The following OPRM1 variants were observed in gnomAD, a reference collection of about 807,000 sequenced individuals.
The protein encoded by OPRM1 is mu-type opioid receptor.
In OPRM1, 27 loss-of-function variants were observed where a neutral mutation model predicts 31.8. That is an observed-to-expected ratio of 0.85 (90% CI 0.63 to 1.17). The LOEUF is 1.17. OPRM1 is among the 50% of genes most tolerant of loss of function. The pLI, the probability that OPRM1 is intolerant of heterozygous loss-of-function variation, is 0.00. For synonymous variants in OPRM1, 196 were observed against 189.9 expected (o/e 1.03, Z -0.26); for missense variants, 536 against 511.1 (o/e 1.05, Z -0.47).
intron 1 of OPRM1, chr6:154,011,167 C>T: frequency 2.9e-6 from 2 of 690,988 alleles, no homozygotes; most frequent in Non-Finnish European, 4.2e-6. Context: ...TAAGGAATAC[C>T]AAGCACAAAA....
intron 1 of OPRM1, among the ~76,000 whole-genome samples, chr6:154,079,360 G>A (rs896108309): frequency 2.6e-5 from 4 of 152,210 alleles, no homozygotes; most frequent in Non-Finnish European, 4.4e-5. Context: ...GGGAAATTTT[G>A]TGCCAGCCAG....
chr6:154,230,147 A>G (rs1267166693), intron 3 of OPRM1, among the ~76,000 whole-genome samples: 4 of 152,220 alleles, frequency 2.6e-5, no homozygotes, highest in Non-Finnish European at 4.4e-5. Flanking sequence ...TGGTTGCATC[A>G]CTTGGTAAAT....
chr6:154,171,161 C>T (rs1483013723), intron 3 of OPRM1, among the ~76,000 whole-genome samples: 2 of 152,168 alleles, frequency 1.3e-5, no homozygotes, highest in Non-Finnish European at 2.9e-5. Flanking sequence ...AAAAATTGTA[C>T]ATGAATGTTC....
chr6:154,234,413 A>G (rs1779955928), intron 3 of OPRM1, among the ~76,000 whole-genome samples: 2 of 152,060 alleles, frequency 1.3e-5, no homozygotes, highest in Non-Finnish European at 2.9e-5. Flanking sequence ...CTCCTGGATC[A>G]CTTCTCAAGT....
chr6:154,162,207 T>C (rs1799084147), intron 3 of OPRM1, among the ~76,000 whole-genome samples: 1 of 152,232 alleles, frequency 6.6e-6, no homozygotes, highest in Non-Finnish European at 1.5e-5. Context: ...CCAGCAATTC[T>C]GTTCTCTCCT....
At chr6:154,181,220 A>T (rs1217759531) in intron 3 of OPRM1, among the ~76,000 whole-genome samples, 1 of 152,174 alleles carries the variant, frequency 6.6e-6, no homozygotes, top group African/African-American at 2.4e-5. Flanking sequence ...AGTAGTGAGG[A>T]CACTACTGAC....
rs892377560 is a variant in OPRM1 at position 154,128,916 on chromosome 6, A to C, written c.*10195A>C. Among the ~76,000 whole-genome samples, 6 of 149,218 alleles carry C rather than the reference A, an allele frequency of 4.0e-5. No homozygotes were observed. Among genetic ancestry groups the C allele is most frequent in the Non-Finnish European group, 8.9e-5 (6 of 67,604 alleles). ...AATTAATGTTAAATTGGATCTATAA[A>C]CATAAGTCAATTTGGCTCTATTATG... On this transcript the variant is annotated 3_prime_UTR_variant, in exon 4 of 4. Transcript: ENST00000330432.
At chr6:154,195,883 G>C (rs1003995586) in intron 3 of OPRM1, among the ~76,000 whole-genome samples, 1 of 149,596 alleles carries the variant, frequency 6.7e-6, no homozygotes, top group Non-Finnish European at 1.5e-5. Context: ...CCTCTGCCTC[G>C]CAGGTTCAAG....
intron 1 of OPRM1, among the ~76,000 whole-genome samples, chr6:154,053,300 C>T (rs1782561949): frequency 2.6e-5 from 4 of 152,178 alleles, no homozygotes; most frequent in African/African-American, 9.6e-5. Flanking sequence ...AATATAAAAT[C>T]TGTCTTCCAA....
chr6:154,010,707 G>T (rs1777679525), exon 1 of OPRM1: 2 of 1,437,758 alleles, frequency 1.4e-6, no homozygotes, highest in African/African-American at 1.4e-5. Flanking sequence ...CAGGCTTCTG[G>T]ATTCAGTGTG....
chr6:154,043,725 GA>G (rs1316208810), intron 1 of OPRM1, among the ~76,000 whole-genome samples: 2 of 151,958 alleles, frequency 1.3e-5, no homozygotes, highest in Admixed American at 6.6e-5. Context: ...GATTTAAAGT[GA>G]AAAACACTAA....
chr6:154,246,526 A>T, intron 3 of OPRM1: 3 of 1,492,684 alleles, frequency 2.0e-6, no homozygotes, highest in Non-Finnish European at 2.7e-6. Context: ...CATAGGGATC[A>T]CCTGATGCCT....
chr6:154,020,118 T>A (rs1778276978), intron 1 of OPRM1, among the ~76,000 whole-genome samples: 1 of 152,192 alleles, frequency 6.6e-6, no homozygotes, highest in South Asian at 2.1e-4. Flanking sequence ...GAGAGACAAT[T>A]TAGTTGCTTC....
At chr6:154,186,920 G>T (rs532642443) in intron 3 of OPRM1, among the ~76,000 whole-genome samples, 1 of 152,202 alleles carries the variant, frequency 6.6e-6, no homozygotes, top group African/African-American at 2.4e-5. Context: ...GAACCCTGCA[G>T]CCACTTCCCC....
exon 1 of OPRM1, chr6:154,010,633 A>C: frequency 6.7e-7 from 1 of 1,500,904 alleles, no homozygotes; most frequent in Non-Finnish European, 9.0e-7. Flanking sequence ...GCCTGCACTA[A>C]GTTTGCATCC....
At chr6:154,094,414 T>G (rs1313155268) in intron 3 of OPRM1, 2 of 392,234 alleles carry the variant, frequency 5.1e-6, no homozygotes, top group African/African-American at 2.1e-5. Flanking sequence ...TTTGTTACAT[T>G]ACAAATCATT....
chr6:154,020,072 T>C (rs1295992994), intron 1 of OPRM1, among the ~76,000 whole-genome samples: 1 of 152,194 alleles, frequency 6.6e-6, no homozygotes, highest in Non-Finnish European at 1.5e-5. Flanking sequence ...AATACCCCAT[T>C]GTCTGGATGT....
intron 1 of OPRM1, among the ~76,000 whole-genome samples, chr6:154,015,937 A>G (rs1341690879): frequency 6.6e-6 from 1 of 152,054 alleles, no homozygotes; most frequent in Non-Finnish European, 1.5e-5. Flanking sequence ...GATCAGCACA[A>G]ATCCAAGAGG....
At chr6:154,204,230 T>C (rs557924500) in intron 3 of OPRM1, among the ~76,000 whole-genome samples, 44 of 152,280 alleles carry the variant, frequency 2.9e-4, no homozygotes, top group African/African-American at 8.4e-4. Flanking sequence ...CTAAAATCCT[T>C]TTCTTGGAAT....
Sources: allele counts gnomAD v4.1 joint callset (sites outside exome capture counted in the v4.1 genomes callset), GRCh38; gene constraint gnomAD v4.1.1; transcripts MANE v1.5; gene names NCBI Gene and HGNC (gene_info 2026-07-23, HGNC 2026-07-21).